Variants in C16orf87 observed in about 807,000 individuals in gnomAD.
C16orf87 encodes HDAC and MIER1 interacting protein 1, also known as UPF0547 protein C16orf87.
A neutral mutation model predicts 21.0 loss-of-function variants in C16orf87; 13 were observed. The observed-to-expected ratio is 0.62, with a 90% CI of 0.40 to 0.98. The LOEUF (loss-of-function observed/expected upper bound fraction) is 0.98, where lower values mean the gene tolerates loss of function less well. Ranked by LOEUF, C16orf87 falls within the 50% of genes least tolerant of loss-of-function variation. The pLI is 0.00. For missense variants in C16orf87, 113 were observed against 180.4 expected, an observed-to-expected ratio of 0.63 and a Z score of 2.14; for synonymous variants, 49 against 60.2, an observed-to-expected ratio of 0.81 and a Z score of 0.86.
rs1484372875 is a variant in C16orf87, at chr16:46,800,103, T to G, written c.*2849A>C. The G allele has an allele frequency of 1.3e-5, 2 of 152,188 alleles. No individual in the cohort carries two copies. Among genetic ancestry groups the G allele is most frequent in the African/African-American group, 4.8e-5 (2 of 41,442 alleles). The allele number at this position is 152,188 out of a possible 1,614,324, so 9.4% of individuals were successfully genotyped here. On this transcript the variant is annotated 3_prime_UTR_variant, in exon 4 of 4. Coordinates refer to ENST00000285697, the MANE Select transcript of C16orf87 (RefSeq NM_001001436.4). ...TAGAGTTAAAGAAGTCAAATACTTTTCAATTTGAAATCTTATCTGAGGGAG... is the reference window on the plus strand; with the variant it reads ...TAGAGTTAAAGAAGTCAAATACTTTGCAATTTGAAATCTTATCTGAGGGAG...
rs1322449849 is a variant in C16orf87, at chr16:46,801,025, C to T, written c.*1927G>A. On this transcript the variant is annotated 3_prime_UTR_variant, in exon 4 of 4. Coordinates refer to ENST00000285697, the MANE Select transcript of C16orf87 (RefSeq NM_001001436.4). ...TCAGCTTTAAATGGATAGACTCTGA[C>T]ATCGATAATTCCTTAAAGACGTGCT... The T allele has an allele frequency of 6.6e-6, 1 of 152,210 alleles. No individual in the cohort carries two copies. Among genetic ancestry groups the T allele is most frequent in the Non-Finnish European group, 1.5e-5 (1 of 68,044 alleles). The allele number at this position is 152,210 out of a possible 1,614,324, so 9.4% of individuals were successfully genotyped here. A position where few individuals can be genotyped will look rare whatever the true frequency, so the allele number is the denominator to read the frequency against.
At chr16:46,824,878 T>C (rs951882381) in intron 1 of C16orf87, among the ~76,000 whole-genome samples, 3 of 151,880 alleles carry the variant, frequency 2.0e-5, no homozygotes, top group Non-Finnish European at 4.4e-5. Flanking sequence ...ATTGGCCAGG[T>C]TGGTCTTGAA....
intron 2 of C16orf87, among the ~76,000 whole-genome samples, chr16:46,821,063 G>C (rs1407381428): frequency 6.6e-6 from 1 of 152,116 alleles, no homozygotes; most frequent in Non-Finnish European, 1.5e-5. Context: ...ATAAATTGTA[G>C]TGACCTTAAA....
At chr16:46,811,600 T>A (rs1431884260) in intron 2 of C16orf87, among the ~76,000 whole-genome samples, 8 of 149,568 alleles carry the variant, frequency 5.3e-5, no homozygotes, top group Non-Finnish European at 1.0e-4. Flanking sequence ...AAAAAAAAAA[T>A]TCCAATCTCT....
At chr16:46,828,495 A>C (rs1433889912) in intron 1 of C16orf87, among the ~76,000 whole-genome samples, 2 of 152,188 alleles carry the variant, frequency 1.3e-5, no homozygotes. Context: ...TGATTGATGG[A>C]TATGAAACCC....
intron 2 of C16orf87, among the ~76,000 whole-genome samples, chr16:46,814,357 C>T (rs771982627): frequency 2.0e-5 from 3 of 152,168 alleles, no homozygotes; most frequent in Non-Finnish European, 4.4e-5. Context: ...ACAGTTGGGC[C>T]TATGTATACA....
chr16:46,818,103 T>C (rs1164912096), intron 2 of C16orf87, among the ~76,000 whole-genome samples: 2 of 152,166 alleles, frequency 1.3e-5, no homozygotes, highest in African/African-American at 4.8e-5. Context: ...CTTGAACTCC[T>C]GACCTCAAGT....
rs1426219725 is a variant in C16orf87, at chr16:46,796,740, T to C, written c.*6212A>G. On this transcript the variant is annotated 3_prime_UTR_variant, in exon 4 of 4. Coordinates refer to ENST00000285697, the MANE Select transcript of C16orf87 (RefSeq NM_001001436.4). ...AAATAAATGAACAGAGGTTCTGAGA[T>C]CTGTGAGATAATACCAAAGAGTCTA... The C allele has an allele frequency of 6.6e-6, 1 of 152,208 alleles. No individual in the cohort carries two copies. Among genetic ancestry groups the C allele is most frequent in the African/African-American group, 2.4e-5 (1 of 41,448 alleles). The allele number at this position is 152,208 out of a possible 1,614,324, so 9.4% of individuals were successfully genotyped here.
In C16orf87 at chr16:46,803,164, T is replaced by G. The variant is rs1967827449; in HGVS notation, c.347-94A>C. The G allele has an allele frequency of 4.9e-6, 3 of 613,286 alleles. No homozygotes were observed. The East Asian group carries it at 8.4e-5, about 17-fold the overall frequency. 38.0% of individuals were successfully genotyped at this position (613,286 alleles called of 1,614,324 possible). On this transcript the variant is annotated intron_variant, in intron 3 of 3. Coordinates refer to ENST00000285697, the MANE Select transcript of C16orf87 (RefSeq NM_001001436.4). ...TTTCAAGTATTTCTTTAAATGACAG[T>G]ATTATATATAATACTACAATATACA...
At chr16:46,814,885 T>G (rs1351694474) in intron 2 of C16orf87, among the ~76,000 whole-genome samples, 1 of 152,086 alleles carries the variant, frequency 6.6e-6, no homozygotes, top group Non-Finnish European at 1.5e-5. Context: ...CATCCTAAAA[T>G]TCACATGGAA....
At chr16:46,815,621 G>A (rs1343864367) in intron 2 of C16orf87, among the ~76,000 whole-genome samples, 6 of 151,904 alleles carry the variant, frequency 3.9e-5, no homozygotes, top group Admixed American at 1.3e-4. Flanking sequence ...ATATATAAAT[G>A]GCCACTAAGC....
intron 1 of C16orf87, among the ~76,000 whole-genome samples, chr16:46,829,891 T>C (rs1959774647): frequency 6.8e-6 from 1 of 146,350 alleles, no homozygotes; most frequent in South Asian, 2.1e-4. Flanking sequence ...AATCAGCTTA[T>C]TAAAAAGTCT....
rs16948770 is a variant in C16orf87, at chr16:46,825,054, G to A, written c.67-572C>T. ...AATAAATATGTATTAAATATGCACT[G>A]ATGTGAGTGACCAATAGAAAACTGT... On this transcript the variant is annotated intron_variant, in intron 1 of 3. Transcript: ENST00000285697. Among the ~76,000 whole-genome samples, 476 of 152,224 alleles carry A rather than the reference G, an allele frequency of 3.1e-3. 3 individuals are homozygous for A. Among genetic ancestry groups the A allele is most frequent in the African/African-American group, 0.011 (461 of 41,532 alleles).
chr16:46,809,591 A>G lies in C16orf87; in HGVS notation c.346+12T>C. ...TAATACTTGAAAAAAAAACTGCTTGATTTGTTCATACCTCTTTCTTCCTCA... is the reference window on the plus strand; with the variant it reads ...TAATACTTGAAAAAAAAACTGCTTGGTTTGTTCATACCTCTTTCTTCCTCA... On this transcript the variant is annotated intron_variant, in intron 3 of 3. Transcript: ENST00000285697. 4 of 1,585,958 alleles carry G rather than the reference A, an allele frequency of 2.5e-6. No individual in the cohort carries two copies. The highest frequency in any genetic ancestry group is 3.4e-6 in the Non-Finnish European group (4 of 1,165,112).
At position 46,824,371 on chromosome 16, in the gene C16orf87, TAAACTCACAGTTACC is replaced by T; in HGVS notation, c.163_163+14del. The stretch of plus-strand genomic sequence containing the variant: ...CTACATCAAAAAGCTAAAAATGTAT[TAAACTCACAGTTACC>T]TGTAGAAGGTGGTGATTTCTCTGAG... On this transcript the variant is annotated splice_donor_variant and splice_donor_5th_base_variant and coding_sequence_variant and intron_variant, in exon 2 of 4. Coordinates refer to ENST00000285697, the MANE Select transcript of C16orf87 (RefSeq NM_001001436.4). LOFTEE classifies it high-confidence loss of function. The T allele has an allele frequency of 8.6e-7, 1 of 1,160,946 alleles. No homozygotes were observed. The highest frequency in any genetic ancestry group is 1.3e-6 in the Non-Finnish European group (1 of 792,376). The allele number at this position is 1,160,946 out of a possible 1,614,324, so 71.9% of individuals were successfully genotyped here. A position where few individuals can be genotyped will look rare whatever the true frequency, so the allele number is the denominator to read the frequency against.
rs1967810165 is a variant in C16orf87, at chr16:46,802,649, C to T, written c.*303G>A. 5.0e-6 allele frequency: 1 copy of T among 200,178 alleles called. No individual in the cohort carries two copies. Among genetic ancestry groups the T allele is most frequent in the Non-Finnish European group, 1.0e-5 (1 of 100,444 alleles). The allele number at this position is 200,178 out of a possible 1,614,324, so 12.4% of individuals were successfully genotyped here. A position where few individuals can be genotyped will look rare whatever the true frequency, so the allele number is the denominator to read the frequency against. ...TTCATACCTACCCCATACCCCATCA[C>T]TTTTTATCCTTTAACATCCATCCAG... is the stretch of plus-strand genomic sequence containing the variant. On this transcript the variant is annotated 3_prime_UTR_variant, in exon 4 of 4. Transcript: ENST00000285697.
At chr16:46,825,029 A>G (rs1248073987) in intron 1 of C16orf87, among the ~76,000 whole-genome samples, 1 of 152,196 alleles carries the variant, frequency 6.6e-6, no homozygotes. Flanking sequence ...TACCATAAAA[A>G]ATAAATATGT....
At chr16:46,803,269 CAA>C (rs1331504111) in intron 3 of C16orf87, among the ~76,000 whole-genome samples, 199 bp from the exon 4 acceptor site, 1 of 152,004 alleles carries the variant, frequency 6.6e-6, no homozygotes, top group African/African-American at 2.4e-5. Context: ...TAAATGAAGA[CAA>C]TATTTATTTC....
In C16orf87 at chr16:46,829,139, T is replaced by C. The variant is rs535198151; in HGVS notation, c.66+1945A>G. On this transcript the variant is annotated intron_variant, in intron 1 of 3. Coordinates refer to ENST00000285697, the MANE Select transcript of C16orf87 (RefSeq NM_001001436.4). ...GAGGGTGGGGCCCTCATGATGTGAT[T>C]AGGGACCTTTTAAGAAAAGGGAGAG... Among the ~76,000 whole-genome samples, 3 of 152,122 alleles carry C rather than the reference T, an allele frequency of 2.0e-5. No individual in the cohort carries two copies. In the East Asian group the frequency reaches 5.8e-4, roughly 29 times the overall value.
Sources: gnomAD v4.1 joint callset for allele counts (sites outside exome capture counted in the v4.1 genomes callset) on GRCh38, gnomAD v4.1.1 for gene constraint, MANE v1.5 for transcripts, NCBI Gene and HGNC (gene_info 2026-07-23, HGNC 2026-07-21) for gene names.